The following HEMK2 variants were observed in gnomAD, a reference collection of about 807,000 sequenced individuals.
HEMK2 encodes the protein HemK methyltransferase 2, ETF1 glutamine and histone H4 lysine, also known as methyltransferase HEMK2.
At chr21:28,854,677 C>T in the HEMK2 span, among the ~76,000 whole-genome samples, 2 of 152,122 alleles carry the variant, frequency 1.3e-5, no homozygotes, top group Admixed American at 6.5e-5. Context: ...AGGAAGCATC[C>T]AGCACAGGAG....
At chr21:28,672,975 A>T in the HEMK2 span, among the ~76,000 whole-genome samples, 1 of 147,048 alleles carries the variant, frequency 6.8e-6, no homozygotes, top group Non-Finnish European at 1.5e-5. Context: ...GAAAAAAAAT[A>T]AAAAAAGAGA....
the HEMK2 span, among the ~76,000 whole-genome samples, chr21:28,775,671 C>A: frequency 6.6e-5 from 10 of 152,112 alleles, no homozygotes; most frequent in East Asian, 1.7e-3. Flanking sequence ...AGAAGTTCAA[C>A]AAGAAAGACA....
chr21:28,779,411 A>G, the HEMK2 span, among the ~76,000 whole-genome samples: 1 of 152,228 alleles, frequency 6.6e-6, no homozygotes, highest in Admixed American at 6.5e-5. Context: ...GGGATTTTAA[A>G]AAGTCAAATT....
chr21:28,631,431 G>A, the HEMK2 span, among the ~76,000 whole-genome samples: 1 of 152,138 alleles, frequency 6.6e-6, no homozygotes, highest in African/African-American at 2.4e-5. Flanking sequence ...TGAATGGCAG[G>A]TCTTTTTAAA....
At chr21:28,603,271 A>G in the HEMK2 span, among the ~76,000 whole-genome samples, 4 of 152,162 alleles carry the variant, frequency 2.6e-5, no homozygotes, top group Admixed American at 6.5e-5. Context: ...AATCTCAAAG[A>G]TCACTTCTGG....
At chr21:28,807,414 T>C in the HEMK2 span, among the ~76,000 whole-genome samples, 10 of 152,162 alleles carry the variant, frequency 6.6e-5, no homozygotes, top group African/African-American at 1.7e-4. Context: ...GAGGTGGAGA[T>C]TAGCATGCAG....
At chr21:28,670,755 T>C in the HEMK2 span, among the ~76,000 whole-genome samples, 1 of 152,220 alleles carries the variant, frequency 6.6e-6, no homozygotes, top group Non-Finnish European at 1.5e-5. Flanking sequence ...CTTACAGTTG[T>C]GGCGGAAGGC....
the HEMK2 span, among the ~76,000 whole-genome samples, chr21:28,634,594 T>C: frequency 6.6e-6 from 1 of 152,180 alleles, no homozygotes; most frequent in African/African-American, 2.4e-5. Context: ...TCTTGTACTC[T>C]CTACTGAAAG....
At chr21:28,634,420 C>A in the HEMK2 span, among the ~76,000 whole-genome samples, 15,608 of 152,208 alleles carry the variant, frequency 0.1, 1,058 homozygotes, top group East Asian at 0.34. Flanking sequence ...CCAATTTTCC[C>A]CAAGGAAAGG....
At chr21:28,697,497 C>T in the HEMK2 span, among the ~76,000 whole-genome samples, 2 of 152,242 alleles carry the variant, frequency 1.3e-5, no homozygotes, top group South Asian at 4.2e-4. Flanking sequence ...CCAAACTTTC[C>T]CACATCTGCC....
chr21:28,649,894 G>A, the HEMK2 span, among the ~76,000 whole-genome samples: 1 of 151,996 alleles, frequency 6.6e-6, no homozygotes, highest in African/African-American at 2.4e-5. Flanking sequence ...AATAACAAAA[G>A]TTTAAAAGCA....
chr21:28,643,493 C>T, the HEMK2 span, among the ~76,000 whole-genome samples: 1 of 152,058 alleles, frequency 6.6e-6, no homozygotes. Context: ...GCCTGGGCAA[C>T]ATAGAAAGAC....
At chr21:28,604,120 C>A in the HEMK2 span, among the ~76,000 whole-genome samples, 2 of 152,226 alleles carry the variant, frequency 1.3e-5, no homozygotes, top group South Asian at 2.1e-4. Flanking sequence ...CTCATTGTCA[C>A]ACAATGTTTT....
At chr21:28,671,720 A>G in the HEMK2 span, among the ~76,000 whole-genome samples, 17 of 152,296 alleles carry the variant, frequency 1.1e-4, no homozygotes, top group East Asian at 2.1e-3. Context: ...TCATCATTCC[A>G]TAAATCTCGT....
the HEMK2 span, among the ~76,000 whole-genome samples, chr21:28,760,912 A>T: frequency 0.085 from 12,869 of 152,174 alleles, 757 homozygotes; most frequent in South Asian, 0.16. Flanking sequence ...GGGATAATCC[A>T]GTCTTTCCCT....
chr21:28,847,654 T>C, the HEMK2 span, among the ~76,000 whole-genome samples: 2 of 152,248 alleles, frequency 1.3e-5, no homozygotes, highest in Non-Finnish European at 2.9e-5. Context: ...TTTGTTTTTG[T>C]TGCAATTGCT....
chr21:28,683,107 CTATAT>C, the HEMK2 span, among the ~76,000 whole-genome samples: 174 of 150,274 alleles, frequency 1.2e-3, 4 homozygotes, highest in East Asian at 0.029. Flanking sequence ...TAAAATATTT[CTATAT>C]TATATTTATG....
At chr21:28,831,606 G>GAAA in the HEMK2 span, among the ~76,000 whole-genome samples, 1 of 68,360 alleles carries the variant, frequency 1.5e-5, no homozygotes, top group South Asian at 4.8e-4. Flanking sequence ...AAGGAAAGAA[G>GAAA]GAAAGAAGGA....
chr21:28,690,370 G>A, the HEMK2 span, among the ~76,000 whole-genome samples: 2 of 152,152 alleles, frequency 1.3e-5, no homozygotes, highest in Non-Finnish European at 2.9e-5. Flanking sequence ...ACTTGGAAGT[G>A]AGCTCTTGCT....
Sources: gnomAD v4.1 joint callset for allele counts (sites outside exome capture counted in the v4.1 genomes callset) on GRCh38, gnomAD v4.1.1 for gene constraint, MANE v1.5 for transcripts, NCBI Gene and HGNC (gene_info 2026-07-23, HGNC 2026-07-21) for gene names.